The following CAST variants were observed in gnomAD, a reference collection of about 807,000 sequenced individuals.
CAST encodes the protein calpastatin.
In CAST, 76 loss-of-function variants were observed where a neutral mutation model predicts 119.6. The ratio of observed to expected loss-of-function variants is 0.64; its 90% CI spans 0.53 to 0.77. The LOEUF (loss-of-function observed/expected upper bound fraction) is 0.77, where lower values mean the gene tolerates loss of function less well. Ranked by LOEUF, CAST falls within the 30% of genes least tolerant of loss-of-function variation. The pLI is 0.00. For missense variants in CAST, 953 were observed against 946.5 expected, an observed-to-expected ratio of 1.01 and a Z score of -0.09; for synonymous variants, 319 against 331.6, an observed-to-expected ratio of 0.96 and a Z score of 0.41.
the CAST span, among the ~76,000 whole-genome samples, chr5:96,494,930 A>T: frequency 1.3e-5 from 2 of 152,054 alleles, no homozygotes; most frequent in African/African-American, 2.4e-5. Flanking sequence ...ATCCTGGCTA[A>T]CACAGTGAAA....
At chr5:96,162,789 T>TGC in the CAST span, among the ~76,000 whole-genome samples, 1 of 152,200 alleles carries the variant, frequency 6.6e-6, no homozygotes, top group East Asian at 1.9e-4. Flanking sequence ...TTTAATATAT[T>TGC]GCTCTGATTT....
the CAST span, among the ~76,000 whole-genome samples, chr5:96,294,763 G>A: frequency 6.6e-6 from 1 of 152,212 alleles, no homozygotes; most frequent in Admixed American, 6.5e-5. Flanking sequence ...CTTTGGAAAG[G>A]TCACTCTACT....
chr5:96,462,895 T>G, the CAST span, among the ~76,000 whole-genome samples: 1 of 152,124 alleles, frequency 6.6e-6, no homozygotes, highest in Non-Finnish European at 1.5e-5. Context: ...CCCTGCTGTC[T>G]TGTGAAGAAG....
chr5:96,227,054 C>A, the CAST span, among the ~76,000 whole-genome samples: 13 of 152,126 alleles, frequency 8.5e-5, no homozygotes, highest in Non-Finnish European at 1.8e-4. Context: ...ACAAAGCTGG[C>A]GGCATCCTGG....
chr5:96,752,071 G>T (rs1303866994), intron 20 of CAST, among the ~76,000 whole-genome samples: 1 of 152,180 alleles, frequency 6.6e-6, no homozygotes, highest in African/African-American at 2.4e-5. Context: ...ATGAAGATTA[G>T]AGAGTAAAGG....
chr5:96,726,865 G>A lies in CAST; in HGVS notation c.336+6G>A. 1 of 1,603,180 alleles carries A rather than the reference G, an allele frequency of 6.2e-7. No individual in the cohort carries two copies. The highest frequency in any genetic ancestry group is 2.2e-5 in the East Asian group (1 of 44,766). On this transcript the variant is annotated splice_donor_region_variant and intron_variant, in intron 5 of 31. Transcript: ENST00000675179. ...AGAAAAAACACAAAAAACAGGTGAT[G>A]TTGTTCATTGTACTAGGGCATCTCT...
chr5:96,265,849 A>G, the CAST span, among the ~76,000 whole-genome samples: 640 of 152,248 alleles, frequency 4.2e-3, 7 homozygotes, highest in African/African-American at 0.015. Flanking sequence ...GTTTGTTTTA[A>G]TGTGGTTATT....
chr5:96,629,349 T>C (rs1747780782), intron 1 of CAST, among the ~76,000 whole-genome samples: 1 of 151,988 alleles, frequency 6.6e-6, no homozygotes, highest in South Asian at 2.1e-4. Context: ...TCTATATAAA[T>C]TCCCCAGCTG....
At chr5:96,299,106 G>T in the CAST span, among the ~76,000 whole-genome samples, 1 of 151,894 alleles carries the variant, frequency 6.6e-6, no homozygotes, top group Non-Finnish European at 1.5e-5. Flanking sequence ...TTGGCTGGGC[G>T]TGGTGGTGGG....
At chr5:96,669,980 C>T (rs1266467815) in intron 1 of CAST, among the ~76,000 whole-genome samples, 1 of 152,082 alleles carries the variant, frequency 6.6e-6, no homozygotes, top group African/African-American at 2.4e-5. Flanking sequence ...TAAAAGCTTC[C>T]CAGGTGCTTG....
At chr5:96,307,358 A>G in the CAST span, among the ~76,000 whole-genome samples, 3 of 152,036 alleles carry the variant, frequency 2.0e-5, no homozygotes, top group African/African-American at 7.3e-5. Context: ...TGCACATGAG[A>G]TGGGTCTCCT....
At chr5:96,510,613 T>C in the CAST span, among the ~76,000 whole-genome samples, 2 of 152,188 alleles carry the variant, frequency 1.3e-5, no homozygotes, top group Non-Finnish European at 1.5e-5. Flanking sequence ...TAAATCCCCA[T>C]TCAAACAAGC....
the CAST span, among the ~76,000 whole-genome samples, chr5:96,244,037 C>T: frequency 1.3e-4 from 20 of 152,248 alleles, no homozygotes; most frequent in East Asian, 3.7e-3. Context: ...AGCAGAGTGA[C>T]GTTAAGGTTA....
the CAST span, among the ~76,000 whole-genome samples, chr5:96,517,215 T>A: frequency 6.6e-6 from 1 of 152,126 alleles, no homozygotes; most frequent in African/African-American, 2.4e-5. Context: ...TAAGTACTAA[T>A]TACATGTTCC....
chr5:96,017,965 A>T, the CAST span, among the ~76,000 whole-genome samples: 1 of 152,148 alleles, frequency 6.6e-6, no homozygotes, highest in African/African-American at 2.4e-5. Context: ...CCTGACACCA[A>T]TATAAAAGCC....
At chr5:96,206,573 T>A in the CAST span, among the ~76,000 whole-genome samples, 1 of 152,070 alleles carries the variant, frequency 6.6e-6, no homozygotes. Flanking sequence ...TCTTTCCCCA[T>A]TGTTAATTTC....
the CAST span, among the ~76,000 whole-genome samples, chr5:96,265,288 T>C: frequency 6.6e-6 from 1 of 152,014 alleles, no homozygotes; most frequent in Non-Finnish European, 1.5e-5. Context: ...CATATGTGTG[T>C]ATGTAAATAT....
intron 1 of CAST, among the ~76,000 whole-genome samples, chr5:96,647,063 T>G (rs1308789675): frequency 6.6e-6 from 1 of 152,202 alleles, no homozygotes; most frequent in Admixed American, 6.5e-5. Flanking sequence ...GTGGCTTGAC[T>G]TTTCTGCTGG....
chr5:96,751,680 G>A (rs1765087254), intron 20 of CAST, among the ~76,000 whole-genome samples: 2 of 152,186 alleles, frequency 1.3e-5, no homozygotes, highest in Non-Finnish European at 2.9e-5. Flanking sequence ...AGCAGGCAAA[G>A]AGGCTGTGAT....
Sources: gnomAD v4.1 joint callset for allele counts (sites outside exome capture counted in the v4.1 genomes callset) on GRCh38, gnomAD v4.1.1 for gene constraint, MANE v1.5 for transcripts, NCBI Gene and HGNC (gene_info 2026-07-23, HGNC 2026-07-21) for gene names.